Variants in CCDC93 observed in about 807,000 individuals in gnomAD.
CCDC93 encodes the protein coiled-coil domain-containing protein 93.
In CCDC93, 61 loss-of-function variants were observed where a neutral mutation model predicts 108.2. That is an observed-to-expected ratio of 0.56 (90% CI 0.46 to 0.70). The LOEUF is 0.70. Among genes scored for constraint, CCDC93 ranks in the 30% least tolerant of loss-of-function variants. CCDC93 has a pLI of 0.00. For synonymous variants in CCDC93, 276 were observed against 260.4 expected (o/e 1.06, Z -0.58); for missense variants, 685 against 764.2 (o/e 0.90, Z 1.22).
At chr2:117,928,441 G>C (rs1344631193) in intron 23 of CCDC93, among the ~76,000 whole-genome samples, 2 of 152,008 alleles carry the variant, frequency 1.3e-5, no homozygotes, top group Non-Finnish European at 2.9e-5. Flanking sequence ...CATCAAAAAG[G>C]GGGCAAAGGA....
At chr2:117,990,661 T>C (rs1205251711) in intron 6 of CCDC93, among the ~76,000 whole-genome samples, 3 of 151,720 alleles carry the variant, frequency 2.0e-5, no homozygotes, top group African/African-American at 4.8e-5. Context: ...AGATACAAAC[T>C]ATAGTTGAAC....
At chr2:117,944,714 A>AC (rs1457590837) in intron 17 of CCDC93, 3 of 470,398 alleles carry the variant, frequency 6.4e-6, no homozygotes, top group Non-Finnish European at 8.8e-6. Context: ...ATATAAACAC[A>AC]CCCCCCTACC....
rs1676940793 is a variant in CCDC93, at chr2:118,008,651, G to A, written c.50C>T (p.Thr17Ile). 1 of 1,605,712 alleles carries A rather than the reference G, an allele frequency of 6.2e-7. No homozygotes were observed. Among genetic ancestry groups the A allele is most frequent in the Non-Finnish European group, 8.5e-7 (1 of 1,173,204 alleles). Residue 17 changes from threonine (T) to isoleucine (I), a missense_variant, in exon 2 of 24, where the codon ACA becomes ATA. Thr to Ile is a moderately conservative substitution (Grantham distance 89). Transcript: ENST00000376300. ...GACATTTTGTTCTTCATCTTCTCTT[G>A]TTTCCACCTAAAATAAAAGGTAAAA... ...PEGQGLPEVE[T>I]REDEEQNVKL...
Position 117,971,162 on chromosome 2 carries a change from A to C in CCDC93, c.888+2746T>G, listed in dbSNP as rs1287877400. ...AGGATGGCTTGAGCCCAGGAGTTCA[A>C]CACCAGCCTAGGCAACATGACAAAA... On this transcript the variant is annotated intron_variant, in intron 11 of 23. Coordinates refer to ENST00000376300, the MANE Select transcript of CCDC93 (RefSeq NM_019044.5). Among the ~76,000 whole-genome samples, 9 of 152,298 alleles carry C rather than the reference A, an allele frequency of 5.9e-5. No individual in the cohort carries two copies. In the East Asian group the frequency reaches 1.5e-3, roughly 26 times the overall value.
At chr2:117,946,777 C>T in intron 16 of CCDC93, 34 bp downstream of exon 16, 1 of 1,481,422 alleles carries the variant, frequency 6.8e-7, no homozygotes, top group African/African-American at 1.4e-5. Flanking sequence ...GTAATAGCAC[C>T]TGAGAGTCTC....
At chr2:117,970,808 A>T (rs947262714) in intron 11 of CCDC93, among the ~76,000 whole-genome samples, 1 of 152,114 alleles carries the variant, frequency 6.6e-6, no homozygotes, top group African/African-American at 2.4e-5. Flanking sequence ...AAATTAGACA[A>T]ACAAAAAAAT....
chr2:117,994,779 A>C (rs1474369621), intron 6 of CCDC93, among the ~76,000 whole-genome samples: 2 of 152,242 alleles, frequency 1.3e-5, no homozygotes, highest in Non-Finnish European at 2.9e-5. Flanking sequence ...TAGATGAAGT[A>C]AAAAGCATGC....
At chr2:118,008,231 T>C (rs920004005) in intron 2 of CCDC93, among the ~76,000 whole-genome samples, 16 of 152,372 alleles carry the variant, frequency 1.1e-4, no homozygotes, top group African/African-American at 3.8e-4. Context: ...TTATTAACTC[T>C]GATTATTTTA....
chr2:117,960,681 T>C (rs1471116375), intron 11 of CCDC93, among the ~76,000 whole-genome samples: 3 of 152,226 alleles, frequency 2.0e-5, no homozygotes, highest in African/African-American at 7.2e-5. Flanking sequence ...AGATTATTTC[T>C]GTTGATAGCT....
At chr2:117,949,641 C>G (rs1678987741) in intron 13 of CCDC93, 1 of 518,432 alleles carries the variant, frequency 1.9e-6, no homozygotes, top group African/African-American at 2.1e-5. Flanking sequence ...ACCGTTTCTC[C>G]AAACCTACAC....
At chr2:117,999,185 C>A (rs1680757882) in intron 4 of CCDC93, 2 of 152,166 alleles carry the variant, frequency 1.3e-5, no homozygotes, top group Non-Finnish European at 2.9e-5. Context: ...CCAACTTGAA[C>A]CCAGGAGGTC....
chr2:117,994,743 AAACC>A (rs1173010070), intron 6 of CCDC93, among the ~76,000 whole-genome samples: 2 of 152,358 alleles, frequency 1.3e-5, no homozygotes, highest in Non-Finnish European at 2.9e-5. Flanking sequence ...GCAACTATGA[AAACC>A]AACTAGATGT....
intron 7 of CCDC93, among the ~76,000 whole-genome samples, chr2:117,982,763 G>A (rs972131894): frequency 6.6e-6 from 1 of 152,030 alleles, no homozygotes; most frequent in South Asian, 2.1e-4. Context: ...AGTGGGGGGG[G>A]GGGTGCGTGA....
At chr2:117,948,310 T>G (rs41279762) in intron 14 of CCDC93, 124 bp from the exon 15 acceptor site, 1 of 650,932 alleles carries the variant, frequency 1.5e-6, no homozygotes, top group African/African-American at 1.8e-5. Context: ...GCTCTAAGAG[T>G]GTCTCACAGA....
At chr2:117,969,076 A>C (rs1679678442) in intron 11 of CCDC93, among the ~76,000 whole-genome samples, 2 of 152,154 alleles carry the variant, frequency 1.3e-5, no homozygotes, top group Non-Finnish European at 2.9e-5. Flanking sequence ...TTGGGTGTGG[A>C]CGGAAGCTGT....
chr2:118,011,324 G>A (rs1677015210), intron 1 of CCDC93, among the ~76,000 whole-genome samples: 1 of 152,130 alleles, frequency 6.6e-6, no homozygotes, highest in Non-Finnish European at 1.5e-5. Flanking sequence ...AGTGGCGTGG[G>A]GGAGGTGACA....
At chr2:117,948,799 G>A (rs756321927) in intron 14 of CCDC93, among the ~76,000 whole-genome samples, 4 of 152,178 alleles carry the variant, frequency 2.6e-5, no homozygotes, top group Non-Finnish European at 4.4e-5. Flanking sequence ...ATAGTCTGAA[G>A]CTAAAAAGGT....
At chr2:117,959,285 T>C (rs777847630) in intron 11 of CCDC93, among the ~76,000 whole-genome samples, 7 of 152,158 alleles carry the variant, frequency 4.6e-5, no homozygotes, top group South Asian at 2.1e-4. Flanking sequence ...AATTAAAAGG[T>C]AGACCGTTTT....
At chr2:117,975,034 CA>C in intron 9 of CCDC93, 134 bp from the exon 10 acceptor site, 2 of 1,044,882 alleles carry the variant, frequency 1.9e-6, no homozygotes, top group Non-Finnish European at 2.9e-6. Flanking sequence ...GCCTCAAAGG[CA>C]GGTGATAAAA....
Sources: gnomAD v4.1 joint callset for allele counts (sites outside exome capture counted in the v4.1 genomes callset) on GRCh38, gnomAD v4.1.1 for gene constraint, MANE v1.5 for transcripts, NCBI Gene and HGNC (gene_info 2026-07-23, HGNC 2026-07-21) for gene names.